Variants in LAMA5 observed in about 807,000 individuals in gnomAD.
LAMA5 encodes the protein laminin subunit alpha 5.
A neutral mutation model predicts 433.4 loss-of-function variants in LAMA5; 260 were observed. The ratio of observed to expected loss-of-function variants is 0.60; its 90% CI spans 0.54 to 0.66. LAMA5 has a LOEUF of 0.66. LAMA5 is among the 30% of genes least tolerant of loss of function. LAMA5 has a pLI of 0.00. For missense variants in LAMA5, 5,378 were observed against 5,258.5 expected (o/e 1.02, Z -0.70); for synonymous variants, 2,620 against 2,226.6 (o/e 1.18, Z -4.97).
chr20:62,352,715 C>A (rs1568976678), intron 3 of LAMA5, among the ~76,000 whole-genome samples: 1 of 152,198 alleles, frequency 6.6e-6, no homozygotes, highest in Admixed American at 6.5e-5. Context: ...GGGAGGAGCA[C>A]CCACTCCCAC....
rs78861345 is a variant in LAMA5, at chr20:62,317,153, G to A, written c.7512-130C>T. 1,627 of 1,231,966 alleles carry A rather than the reference G, an allele frequency of 1.3e-3. 9 individuals are homozygous for A. In the African/African-American group the frequency reaches 0.018, roughly 13 times the overall value. The allele number at this position is 1,231,966 out of a possible 1,614,324, so 76.3% of individuals were successfully genotyped here. On this transcript the variant is annotated intron_variant, in intron 55 of 79. Coordinates refer to ENST00000252999, the MANE Select transcript of LAMA5 (RefSeq NM_005560.6). ...AAGTCCCGCCTCCAGGTCTTTGCCC[G>A]TGCCTGTCGCCTGCTGGGTGTACTG...
intron 72 of LAMA5, 24 bp downstream of exon 72, chr20:62,311,377 C>T (rs1298019960): frequency 4.6e-6 from 7 of 1,531,354 alleles, no homozygotes; most frequent in Admixed American, 2.1e-5. Context: ...CCCAGCTCTG[C>T]CTGCTCACCC....
intron 31 of LAMA5, 82 bp from the exon 32 acceptor site, chr20:62,329,998 G>A: frequency 6.6e-7 from 1 of 1,524,634 alleles, no homozygotes; most frequent in Non-Finnish European, 8.8e-7. Context: ...GGCAGCGTTG[G>A]GGCAGCCAAG....
chr20:62,366,887 G>T (rs1320677680), intron 1 of LAMA5, 62 bp downstream of exon 1: 178 of 1,230,486 alleles, frequency 1.4e-4, no homozygotes, highest in Non-Finnish European at 1.8e-4. Flanking sequence ...CCCTGGGGTC[G>T]GGCCGGTGTT....
chr20:62,315,691 C>T (rs1418534023), intron 58 of LAMA5, among the ~76,000 whole-genome samples: 1 of 152,178 alleles, frequency 6.6e-6, no homozygotes, highest in Non-Finnish European at 1.5e-5. Flanking sequence ...CCCCCAAGGC[C>T]TACAGCCCTC....
At chr20:62,323,742 C>A in intron 44 of LAMA5, 34 bp downstream of exon 44, 1 of 1,599,666 alleles carries the variant, frequency 6.3e-7, no homozygotes, top group East Asian at 2.3e-5. Context: ...GGTCAGCACT[C>A]AGGCCCTGCC....
chr20:62,321,743 C>CCAATGGAGGTGGGGT (rs1987828016), intron 48 of LAMA5, among the ~76,000 whole-genome samples: 1 of 50,034 alleles, frequency 2.0e-5, no homozygotes, highest in Non-Finnish European at 3.9e-5. Flanking sequence ...AGGGGTGGGG[C>CCAATGGAGGTGGGGT]CAGTGGAGGG....
At position 62,336,346 on chromosome 20, in the gene LAMA5, A is replaced by G; in HGVS notation, c.2317T>C (p.Cys773Arg). ...TACTCCAGGGCACACTCACGGGTAC[A>G]GCCCTCGGGGTTGCTGGGGCTCAGT... is the stretch of plus-strand genomic sequence containing the variant. Reference protein sequence around the residue: ...WGLSPSNPEGCTRCSCDLRGT... With the variant: ...WGLSPSNPEGRTRCSCDLRGT... The change falls in exon 18 of 80, where the codon TGT becomes CGT. Residue 773 changes from cysteine to arginine, a missense_variant. Cys to Arg is a radical substitution (Grantham distance 180, BLOSUM62 -3). Coordinates refer to ENST00000252999, the MANE Select transcript of LAMA5 (RefSeq NM_005560.6). 6.2e-7 allele frequency: 1 copy of G among 1,608,008 alleles called. No homozygotes were observed. Among genetic ancestry groups the G allele is most frequent in the South Asian group, 1.1e-5 (1 of 90,720 alleles).
rs965127131 is a variant in LAMA5, at chr20:62,313,250, G to A, written c.8793C>T (p.Arg2931=). Reference sequence around the variant, plus strand: ...GCCACGGGTCCCCGGTCGACTTGGAGCTGCAGGTCGGAGATTCTGGGGTCA... The same window carrying A: ...GCCACGGGTCCCCGGTCGACTTGGAACTGCAGGTCGGAGATTCTGGGGTCA... ...LDTAVDRPCA[R]SKSTGDPWLT... is the part of the protein sequence containing the mutation. Residue 2931 remains arginine (R), a splice_region_variant and synonymous_variant, in exon 65 of 80, where the codon CGC becomes CGT. Coordinates refer to ENST00000252999, the MANE Select transcript of LAMA5 (RefSeq NM_005560.6). 6 of 1,541,958 alleles carry A rather than the reference G, an allele frequency of 3.9e-6. No individual in the cohort carries two copies. The African/African-American group carries it at 8.3e-5, about 21-fold the overall frequency.
At chr20:62,316,822 C>A (rs375281333) in intron 56 of LAMA5, 49 bp from the exon 57 acceptor site, 1 of 1,554,860 alleles carries the variant, frequency 6.4e-7, no homozygotes, top group Non-Finnish European at 8.7e-7. Flanking sequence ...GCCGGGGCTG[C>A]GGGAGGTGCA....
chr20:62,315,732 C>A (rs1221496851), intron 58 of LAMA5, among the ~76,000 whole-genome samples: 2 of 152,228 alleles, frequency 1.3e-5, no homozygotes, highest in South Asian at 4.1e-4. Context: ...ACCCAAAGCA[C>A]TTCCAAGCTT....
chr20:62,314,390 C>G lies in LAMA5; in HGVS notation c.8418G>C (p.Trp2806Cys). 3 of 1,613,434 alleles carry G rather than the reference C, an allele frequency of 1.9e-6. No homozygotes were observed. Among genetic ancestry groups the G allele is most frequent in the Non-Finnish European group, 2.5e-6 (3 of 1,179,932 alleles). ...GVSLRDKKVHWVYQLGEAGPA... is the reference protein window; with the variant it reads ...GVSLRDKKVHCVYQLGEAGPA... ...GGCCCGCCTCACCCAGCTGATACAC[C>G]CAGTGCACCTTCTTGTCACGCAGAG... Residue 2806 changes from tryptophan to cysteine, a missense_variant, in exon 62 of 80, where the codon TGG (tryptophan) becomes TGC (cysteine). Physicochemically the swap from Trp to Cys is radical, Grantham distance 215. Transcript: ENST00000252999.
chr20:62,335,326 GCCC>G (rs947927475), intron 18 of LAMA5, 57 bp from the exon 19 acceptor site: 1 of 1,581,830 alleles, frequency 6.3e-7, no homozygotes, highest in African/African-American at 1.4e-5. Flanking sequence ...CCTGGCTCCA[GCCC>G]CCCGAGGAAC....
At chr20:62,365,249 T>A (rs1259469011) in intron 1 of LAMA5, among the ~76,000 whole-genome samples, 6 of 152,222 alleles carry the variant, frequency 3.9e-5, no homozygotes, top group Admixed American at 3.9e-4. Context: ...AGCCCACAGC[T>A]GCCACTGAAA....
rs771380320 is a variant in LAMA5 at position 62,331,014 on chromosome 20, C to T, written c.3650+18G>A. On this transcript the variant is annotated intron_variant, in intron 29 of 79. Coordinates refer to ENST00000252999, the MANE Select transcript of LAMA5 (RefSeq NM_005560.6). ...GGCCCTCGGCCGCGCCCCTCCCAGC[C>T]CCATTACCTGCCATTACCTGTTGGG... 6 of 1,591,382 alleles carry T rather than the reference C, an allele frequency of 3.8e-6. No individual in the cohort carries two copies. In the African/African-American group the frequency reaches 5.4e-5, roughly 14 times the overall value.
At chr20:62,351,613 C>A (rs1984296412) in intron 6 of LAMA5, 91 bp downstream of exon 6, 2 of 1,284,782 alleles carry the variant, frequency 1.6e-6, no homozygotes, top group East Asian at 4.8e-5. Flanking sequence ...AACCAGGTCA[C>A]CCACCCTCAG....
chr20:62,334,769 G>GCGAGGA (rs1260246717), intron 20 of LAMA5, 148 bp from the exon 21 acceptor site: 1 of 683,902 alleles, frequency 1.5e-6, no homozygotes, highest in Admixed American at 2.6e-5. Context: ...GAGGGCGAGG[G>GCGAGGA]CGAGGGTGAG....
In LAMA5 at chr20:62,352,314, C is replaced by T; in HGVS notation, c.615G>A (p.Glu205=). 1 of 1,600,002 alleles carries T rather than the reference C, an allele frequency of 6.2e-7. No individual in the cohort carries two copies. Among genetic ancestry groups the T allele is most frequent in the Non-Finnish European group, 8.5e-7 (1 of 1,179,726 alleles). The change falls in exon 4 of 80, where the codon GAG becomes GAA. Residue 205 remains glutamate, a synonymous_variant. Coordinates refer to ENST00000252999, the MANE Select transcript of LAMA5 (RefSeq NM_005560.6). The part of the protein sequence containing the change: ...CLERFGPQTL[E]RITRDDAAIC... The stretch of plus-strand genomic sequence containing the variant: ...TGGCCGCGTCGTCCCGTGTGATGCG[C>T]TCCAGCGTCTGTGGCCCGAACCGCT...
intron 2 of LAMA5, among the ~76,000 whole-genome samples, chr20:62,356,677 GGGGCCCAGGACCCA>G (rs918304485): frequency 6.6e-6 from 1 of 152,022 alleles, no homozygotes; most frequent in Non-Finnish European, 1.5e-5. Context: ...CCAGGAGTAC[GGGGCCCAGGACCCA>G]GGGCCCAGGC....
Sources: gnomAD v4.1 joint callset for allele counts (sites outside exome capture counted in the v4.1 genomes callset) on GRCh38, gnomAD v4.1.1 for gene constraint, MANE v1.5 for transcripts, NCBI Gene and HGNC (gene_info 2026-07-23, HGNC 2026-07-21) for gene names.